Variants in CDK8 observed in about 807,000 individuals in gnomAD.
CDK8 encodes the protein cyclin-dependent kinase 8.
In CDK8, 29 loss-of-function variants were observed where a neutral mutation model predicts 71.5. The ratio of observed to expected loss-of-function variants is 0.41; its 90% CI spans 0.30 to 0.55. The LOEUF is 0.55. Among genes scored for constraint, CDK8 ranks in the 20% least tolerant of loss-of-function variants. The pLI is 0.37. For synonymous variants in CDK8, 161 were observed against 192.1 expected, an observed-to-expected ratio of 0.84 and a Z score of 1.34; for missense variants, 288 against 572.6, an observed-to-expected ratio of 0.50 and a Z score of 5.07.
chr13:26,269,922 G>C (rs2137868199), intron 1 of CDK8, among the ~76,000 whole-genome samples: 1 of 152,156 alleles, frequency 6.6e-6, no homozygotes, highest in Non-Finnish European at 1.5e-5. Flanking sequence ...TGTTTAAGAA[G>C]TAATTTTGAT....
At chr13:26,321,047 A>G (rs1245867655) in intron 1 of CDK8, among the ~76,000 whole-genome samples, 5 of 152,206 alleles carry the variant, frequency 3.3e-5, no homozygotes, top group Non-Finnish European at 7.3e-5. Context: ...GAGGCCTTCA[A>G]AGAGGAATAT....
chr13:26,402,852 T>C (rs1876327628), intron 12 of CDK8, among the ~76,000 whole-genome samples: 1 of 152,244 alleles, frequency 6.6e-6, no homozygotes, highest in South Asian at 2.1e-4. Context: ...GTGTGATTGT[T>C]GTTGGTTTTT....
chr13:26,340,594 G>C (rs1408064226), intron 2 of CDK8, among the ~76,000 whole-genome samples: 2 of 152,090 alleles, frequency 1.3e-5, no homozygotes, highest in Admixed American at 1.3e-4. Context: ...TTTTTATCAG[G>C]CCTTCCTCCT....
At chr13:26,378,267 T>C (rs980091420) in intron 4 of CDK8, among the ~76,000 whole-genome samples, 1 of 152,204 alleles carries the variant, frequency 6.6e-6, no homozygotes, top group Admixed American at 6.5e-5. Flanking sequence ...CAGAGTTGGC[T>C]CCTAAAACGA....
At chr13:26,274,018 A>G (rs1872453123) in intron 1 of CDK8, among the ~76,000 whole-genome samples, 1 of 152,142 alleles carries the variant, frequency 6.6e-6, no homozygotes, top group African/African-American at 2.4e-5. Flanking sequence ...ATTGTATTAT[A>G]TGATTGTACT....
chr13:26,363,738 A>T (rs1008870037), intron 4 of CDK8, among the ~76,000 whole-genome samples: 1 of 152,096 alleles, frequency 6.6e-6, no homozygotes, highest in East Asian at 1.9e-4. Context: ...ATACTGGGTA[A>T]TTTGGAATCA....
chr13:26,366,052 C>T (rs1316524772), intron 4 of CDK8, among the ~76,000 whole-genome samples: 3 of 151,998 alleles, frequency 2.0e-5, no homozygotes, highest in Non-Finnish European at 4.4e-5. Context: ...TTCCAGACTT[C>T]TGAAGATTTG....
intron 4 of CDK8, among the ~76,000 whole-genome samples, chr13:26,369,808 G>A (rs754040617): frequency 3.4e-5 from 5 of 148,706 alleles, no homozygotes; most frequent in Admixed American, 6.7e-5. Context: ...CACCCAGCTC[G>A]GCCTCCCAAA....
chr13:26,297,654 TTC>T (rs1429536897), intron 1 of CDK8, among the ~76,000 whole-genome samples: 2 of 152,146 alleles, frequency 1.3e-5, no homozygotes, highest in Non-Finnish European at 2.9e-5. Context: ...AGGACTGTCT[TTC>T]TCTGTTTTCC....
At chr13:26,285,894 G>A (rs1872993030) in intron 1 of CDK8, among the ~76,000 whole-genome samples, 1 of 146,806 alleles carries the variant, frequency 6.8e-6, no homozygotes, top group Non-Finnish European at 1.5e-5. Context: ...TACAACAGCT[G>A]CAATAAATAA....
chr13:26,305,127 C>T (rs937801902), intron 1 of CDK8, among the ~76,000 whole-genome samples: 1 of 152,148 alleles, frequency 6.6e-6, no homozygotes, highest in Non-Finnish European at 1.5e-5. Flanking sequence ...CTGAAGAACA[C>T]CCTTTAGTGT....
At chr13:26,259,318 T>C (rs1242095890) in intron 1 of CDK8, among the ~76,000 whole-genome samples, 1 of 152,150 alleles carries the variant, frequency 6.6e-6, no homozygotes, top group Non-Finnish European at 1.5e-5. Flanking sequence ...GGAAGGATAG[T>C]TGCATCTCTA....
intron 1 of CDK8, among the ~76,000 whole-genome samples, chr13:26,326,848 C>T (rs1271575863): frequency 6.6e-6 from 1 of 152,090 alleles, no homozygotes; most frequent in African/African-American, 2.4e-5. Flanking sequence ...TTGTTTCCAT[C>T]AATGATAAGA....
chr13:26,257,181 A>G (rs1001330747), intron 1 of CDK8, among the ~76,000 whole-genome samples: 1 of 152,218 alleles, frequency 6.6e-6, no homozygotes, highest in Non-Finnish European at 1.5e-5. Context: ...GAACTCAGAC[A>G]GTAACACCTT....
At chr13:26,263,497 G>A (rs1390687342) in intron 1 of CDK8, among the ~76,000 whole-genome samples, 2 of 150,434 alleles carry the variant, frequency 1.3e-5, no homozygotes, top group African/African-American at 4.9e-5. Flanking sequence ...GCTAGGGTGC[G>A]ATGGCACGAT....
chr13:26,310,616 A>G (rs1309939803), intron 1 of CDK8, among the ~76,000 whole-genome samples: 1 of 152,166 alleles, frequency 6.6e-6, no homozygotes, highest in African/African-American at 2.4e-5. Context: ...CGCTACTGAT[A>G]TGACAGGAGG....
chr13:26,358,151 T>G (rs1214239237), intron 4 of CDK8, among the ~76,000 whole-genome samples: 1 of 152,008 alleles, frequency 6.6e-6, no homozygotes. Context: ...ACAAAAAAAT[T>G]AGCTGGGCAT....
At chr13:26,266,454 AACCGTGGAGTGT>A (rs2137862435) in intron 1 of CDK8, among the ~76,000 whole-genome samples, 1 of 152,256 alleles carries the variant, frequency 6.6e-6, no homozygotes, top group South Asian at 2.1e-4. Flanking sequence ...GTATAACAGG[AACCGTGGAGTGT>A]ACAGCTTACT....
chr13:26,336,975 G>A (rs17083838), intron 1 of CDK8, among the ~76,000 whole-genome samples: 8,313 of 151,636 alleles, frequency 0.055, 258 homozygotes, highest in South Asian at 0.11. Flanking sequence ...TTTTTAAGCC[G>A]GTAGACACAG....
Sources: allele counts gnomAD v4.1 joint callset (sites outside exome capture counted in the v4.1 genomes callset), GRCh38; gene constraint gnomAD v4.1.1; transcripts MANE v1.5; gene names NCBI Gene and HGNC (gene_info 2026-07-23, HGNC 2026-07-21).